LARP1B: variants seen among roughly 807,000 people sequenced by gnomAD.
The protein encoded by LARP1B is la-related protein 1B.
Under a neutral mutation model 114.2 loss-of-function variants are expected in LARP1B, and 76 were observed. That is an observed-to-expected ratio of 0.67 (90% CI 0.55 to 0.81). The LOEUF (loss-of-function observed/expected upper bound fraction) is 0.81. Ranked by LOEUF, LARP1B falls within the 30% of genes least tolerant of loss-of-function variation. The probability of loss-of-function intolerance (pLI) is 0.00; values close to 1 mark genes in which losing one functional copy is unlikely to be tolerated. For synonymous variants in LARP1B, 345 were observed against 348.0 expected (o/e 0.99, Z 0.10); for missense variants, 1,014 against 1,075.8 (o/e 0.94, Z 0.80).
rs1307249048 is a variant in LARP1B, at chr4:128,096,371, G to A, written c.669-1815G>A. Among the ~76,000 whole-genome samples the A allele has an allele frequency of 2.0e-5, 3 of 152,094 alleles. No individual in the cohort carries two copies. In the East Asian group the frequency reaches 5.8e-4, roughly 29 times the overall value. Reference sequence around the variant, plus strand: ...TGTGGATAAACATGTATTTCTCAAAGGCTATTATTAAATGTATTGTGAATA... The same window carrying A: ...TGTGGATAAACATGTATTTCTCAAAAGCTATTATTAAATGTATTGTGAATA... On this transcript the variant is annotated intron_variant, in intron 7 of 19. Transcript: ENST00000326639.
Position 128,175,009 on chromosome 4 carries a change from G to A in LARP1B, c.1649-1863G>A, listed in dbSNP as rs933634663. On this transcript the variant is annotated intron_variant, in intron 12 of 19. Transcript: ENST00000326639. ...TGCAATTGACTGATAACACCGTTAA[G>A]TTAATCTTAATCTATAATGATTTCT... Among the ~76,000 whole-genome samples, 5 of 152,088 alleles carry A rather than the reference G, an allele frequency of 3.3e-5. 1 individual carries two copies. The South Asian group carries it at 1.0e-3, about 32-fold the overall frequency.
chr4:128,220,047 G>T (rs563866581), intron 6 of LARP1B, among the ~76,000 whole-genome samples: 1 of 151,830 alleles, frequency 6.6e-6, no homozygotes, highest in East Asian at 1.9e-4. Context: ...CACCACGCCC[G>T]GCTAATTTTT....
chr4:128,172,608 A>G (rs1365483764), intron 12 of LARP1B, among the ~76,000 whole-genome samples: 1 of 151,996 alleles, frequency 6.6e-6, no homozygotes, highest in Admixed American at 6.6e-5. Flanking sequence ...CACGAGAATC[A>G]CTTGAACCCG....
chr4:128,156,123 C>T, intron 11 of LARP1B: 2 of 1,610,710 alleles, frequency 1.2e-6, no homozygotes, highest in Non-Finnish European at 1.7e-6. Flanking sequence ...AGCCCTGTGC[C>T]TCAGCTCATC....
At chr4:128,127,438 T>C (rs912746717) in intron 11 of LARP1B, among the ~76,000 whole-genome samples, 2 of 152,198 alleles carry the variant, frequency 1.3e-5, no homozygotes, top group African/African-American at 4.8e-5. Context: ...GTTATTAAAG[T>C]TTGCAAATTG....
chr4:128,175,170 G>T (rs1040567969), intron 12 of LARP1B, among the ~76,000 whole-genome samples: 14 of 152,078 alleles, frequency 9.2e-5, no homozygotes, highest in African/African-American at 3.4e-4. Flanking sequence ...TTTATCCCAT[G>T]TATTATTAAT....
intron 10 of LARP1B, among the ~76,000 whole-genome samples, chr4:128,116,144 A>T (rs1286536563): frequency 6.6e-6 from 1 of 152,194 alleles, no homozygotes; most frequent in African/African-American, 2.4e-5. Context: ...AAAAAGAGAA[A>T]TAGGAGATCC....
chr4:128,113,343 CTTTTTTTCTTTTT>C (rs1231515986), intron 9 of LARP1B, among the ~76,000 whole-genome samples: 5 of 147,844 alleles, frequency 3.4e-5, no homozygotes, highest in East Asian at 2.0e-4. Flanking sequence ...TTTTTCTTTT[CTTTTTTTCTTTTT>C]TTTTTTTTTT....
chr4:128,078,457 C>T (rs928428868), intron 4 of LARP1B, among the ~76,000 whole-genome samples: 3 of 151,816 alleles, frequency 2.0e-5, no homozygotes, highest in Admixed American at 6.6e-5. Context: ...AAAAATTAGC[C>T]GAACATCGTG....
rs1245525521 is a variant in LARP1B at position 128,178,548 on chromosome 4, C to T, written c.1802C>T (p.Thr601Ile). 2 of 1,614,044 alleles carry T rather than the reference C, an allele frequency of 1.2e-6. No individual in the cohort carries two copies. The highest frequency in any genetic ancestry group is 1.7e-6 in the Non-Finnish European group (2 of 1,179,960). The change falls in exon 14 of 20, where the codon ACA becomes ATA. Residue 601 changes from threonine to isoleucine, a missense_variant. By Grantham distance (89) the Thr-to-Ile change is moderately conservative. Transcript: ENST00000326639. ...PESPRIHPTR[T>I]PKTPRTPRLQ... ...TCTCCTAGAATTCATCCTACAAGAA[C>T]ACCCAAAACACCTCGAACACCTAGG... is the stretch of plus-strand genomic sequence containing the variant.
chr4:128,085,115 C>T (rs1354982045), intron 5 of LARP1B, among the ~76,000 whole-genome samples: 2 of 152,126 alleles, frequency 1.3e-5, no homozygotes, highest in African/African-American at 2.4e-5. Context: ...CCACCCACCT[C>T]GATGTCCCAA....
intron 8 of LARP1B, among the ~76,000 whole-genome samples, chr4:128,106,198 A>G (rs1406801489): frequency 6.6e-6 from 1 of 151,858 alleles, no homozygotes; most frequent in Non-Finnish European, 1.5e-5. Flanking sequence ...TAATTTCTGT[A>G]TTTTTAGTAG....
chr4:128,172,037 C>A (rs1364220774), intron 12 of LARP1B, among the ~76,000 whole-genome samples: 1 of 151,978 alleles, frequency 6.6e-6, no homozygotes, highest in African/African-American at 2.4e-5. Flanking sequence ...TGACTTTAGA[C>A]AAATTTGGGA....
chr4:128,207,023 A>G (rs1043193681), intron 18 of LARP1B, among the ~76,000 whole-genome samples: 2 of 152,242 alleles, frequency 1.3e-5, no homozygotes, highest in African/African-American at 4.8e-5. Context: ...TTTGGGTTGT[A>G]TATGGTTCAA....
chr4:128,189,217 T>C (rs1306687425), intron 15 of LARP1B, among the ~76,000 whole-genome samples: 1 of 150,936 alleles, frequency 6.6e-6, no homozygotes, highest in Non-Finnish European at 1.5e-5. Flanking sequence ...AGCCTCTTGC[T>C]GAATTGATCC....
chr4:128,219,167 A>T (rs1418674812), intron 6 of LARP1B, among the ~76,000 whole-genome samples: 1 of 150,708 alleles, frequency 6.6e-6, no homozygotes, highest in Non-Finnish European at 1.5e-5. Flanking sequence ...GAGGATGTGG[A>T]GAAATAGGAA....
At chr4:128,072,250 G>A (rs1050656985) in intron 1 of LARP1B, among the ~76,000 whole-genome samples, 3 of 151,958 alleles carry the variant, frequency 2.0e-5, no homozygotes, top group Non-Finnish European at 4.4e-5. Flanking sequence ...ATCTGCCTGC[G>A]TTGGCCTCCC....
At chr4:128,181,988 T>A (rs1748614759) in intron 15 of LARP1B, among the ~76,000 whole-genome samples, 1 of 151,006 alleles carries the variant, frequency 6.6e-6, no homozygotes, top group Admixed American at 6.6e-5. Flanking sequence ...TTTTTTGTAT[T>A]TTTTTAGTAG....
rs573098359 is a variant in LARP1B at position 128,190,638 on chromosome 4, T to G, written c.2004-8801T>G. On this transcript the variant is annotated intron_variant, in intron 15 of 19. Transcript: ENST00000326639. ...TTGACGGTTTCTCCTTCACACATAC[T>G]CTCTCTCACCTGCTGCAGTGTAAGG... Among the ~76,000 whole-genome samples, 25 of 152,230 alleles carry G rather than the reference T, an allele frequency of 1.6e-4. No homozygotes were observed. The South Asian group carries it at 4.8e-3, about 29-fold the overall frequency.
Sources: gnomAD v4.1 joint callset for allele counts (sites outside exome capture counted in the v4.1 genomes callset) on GRCh38, gnomAD v4.1.1 for gene constraint, MANE v1.5 for transcripts, NCBI Gene and HGNC (gene_info 2026-07-23, HGNC 2026-07-21) for gene names.